The following OR56B2 variants were observed in gnomAD, a reference collection of about 807,000 sequenced individuals.
OR56B2 encodes the protein olfactory receptor family 56 subfamily B member 2.
chr11:5,761,198 T>A, the OR56B2 span: 1 of 152,208 alleles, frequency 6.6e-6, no homozygotes, highest in African/African-American at 2.4e-5. Context: ...CTGGGTATAC[T>A]GAAGATCACT....
At chr11:5,762,219 TA>T in the OR56B2 span, among the ~76,000 whole-genome samples, 5 of 152,166 alleles carry the variant, frequency 3.3e-5, no homozygotes, top group African/African-American at 1.2e-4. Context: ...TTTTCTTTAC[TA>T]ATCTATTGAA....
chr11:5,768,469 G>C, the OR56B2 span, among the ~76,000 whole-genome samples: 1 of 139,438 alleles, frequency 7.2e-6, no homozygotes, highest in Non-Finnish European at 1.6e-5. Flanking sequence ...CCAGTCATCT[G>C]TTGATGGACA....
chr11:5,762,175 T>C, the OR56B2 span, among the ~76,000 whole-genome samples: 7 of 151,778 alleles, frequency 4.6e-5, no homozygotes, highest in Admixed American at 1.3e-4. Context: ...AGCTAGATCA[T>C]TGTATTTTCT....
chr11:5,761,312 T>C, the OR56B2 span: 1 of 152,122 alleles, frequency 6.6e-6, no homozygotes, highest in Non-Finnish European at 1.5e-5. Context: ...TATAGAAGGG[T>C]AAGCCTCAGC....
At chr11:5,763,526 A>G in the OR56B2 span, among the ~76,000 whole-genome samples, 396 of 139,616 alleles carry the variant, frequency 2.8e-3, 63 homozygotes, top group African/African-American at 9.5e-3. Context: ...GTTGGCCAGG[A>G]TGGTCTCAAT....
the OR56B2 span, chr11:5,766,837 T>A: frequency 7.2e-6 from 1 of 139,736 alleles, no homozygotes; most frequent in African/African-American, 2.6e-5. Flanking sequence ...CTAAGAAACT[T>A]CAGTGCCATT....
chr11:5,764,225 TAC>T, the OR56B2 span, among the ~76,000 whole-genome samples: 1 of 141,050 alleles, frequency 7.1e-6, no homozygotes, highest in East Asian at 2.1e-4. Flanking sequence ...AGGTGTCAGA[TAC>T]AGAGAGATTA....
At chr11:5,762,480 C>T in the OR56B2 span, among the ~76,000 whole-genome samples, 1 of 152,010 alleles carries the variant, frequency 6.6e-6, no homozygotes, top group Non-Finnish European at 1.5e-5. Flanking sequence ...CAAAGCATCA[C>T]TGATATTCAT....
chr11:5,766,767 T>A, the OR56B2 span: 1 of 139,704 alleles, frequency 7.2e-6, no homozygotes, highest in Non-Finnish European at 1.6e-5. Context: ...TACACTGAAA[T>A]CTCAATACAT....
the OR56B2 span, among the ~76,000 whole-genome samples, chr11:5,762,353 T>C: frequency 6.6e-6 from 1 of 152,260 alleles, no homozygotes; most frequent in South Asian, 2.1e-4. Context: ...TATCGTTTAA[T>C]GCCCTTGCTA....
At chr11:5,768,983 G>C in the OR56B2 span, among the ~76,000 whole-genome samples, 1 of 138,578 alleles carries the variant, frequency 7.2e-6, no homozygotes, top group African/African-American at 2.6e-5. Flanking sequence ...CTACATTATA[G>C]AATTAGGTTC....
At chr11:5,768,880 T>C in the OR56B2 span, among the ~76,000 whole-genome samples, 1 of 138,542 alleles carries the variant, frequency 7.2e-6, no homozygotes, top group African/African-American at 2.6e-5. Flanking sequence ...CTGAAAATGA[T>C]AGAATTTTTG....
the OR56B2 span, among the ~76,000 whole-genome samples, chr11:5,767,814 G>T: frequency 7.2e-6 from 1 of 138,970 alleles, no homozygotes; most frequent in Admixed American, 7.4e-5. Context: ...AAACACAAAA[G>T]GCCACCTAGT....
At chr11:5,763,793 G>A in the OR56B2 span, among the ~76,000 whole-genome samples, 83,229 of 137,962 alleles carry the variant, frequency 0.6, 32,154 homozygotes, top group Non-Finnish European at 0.73. Context: ...AATATCCCAC[G>A]CCTTTAGGTT....
At chr11:5,767,676 TAA>T in the OR56B2 span, among the ~76,000 whole-genome samples, 3 of 138,788 alleles carry the variant, frequency 2.2e-5, no homozygotes. Context: ...TTTTGTATAG[TAA>T]AGAGGAAAAA....
At chr11:5,767,610 A>G in the OR56B2 span, 2 of 140,000 alleles carry the variant, frequency 1.4e-5, 1 homozygote. Context: ...TTATCTTACA[A>G]AAATTCAACT....
chr11:5,766,249 A>G, the OR56B2 span: 2 of 140,182 alleles, frequency 1.4e-5, no homozygotes, highest in African/African-American at 5.2e-5. Context: ...TCTTCATCAC[A>G]AAGGGTAACA....
At chr11:5,762,032 T>A in the OR56B2 span, among the ~76,000 whole-genome samples, 1 of 152,214 alleles carries the variant, frequency 6.6e-6, no homozygotes, top group East Asian at 1.9e-4. Flanking sequence ...CACATACACC[T>A]GCCAAGAAGT....
chr11:5,765,619 A>G, the OR56B2 span: 1 of 140,852 alleles, frequency 7.1e-6, no homozygotes, highest in Non-Finnish European at 1.6e-5. Context: ...GCCCAGAGGC[A>G]TTACTGCTCC....
Sources: gnomAD v4.1 joint callset for allele counts (sites outside exome capture counted in the v4.1 genomes callset) on GRCh38, gnomAD v4.1.1 for gene constraint, MANE v1.5 for transcripts, NCBI Gene and HGNC (gene_info 2026-07-23, HGNC 2026-07-21) for gene names.